The following ATRNL1 variants were observed in gnomAD, a reference collection of about 807,000 sequenced individuals.
ATRNL1 encodes attractin-like protein 1.
ATRNL1 carries 95 observed loss-of-function variants against 182.7 expected under a neutral mutation model. The ratio of observed to expected loss-of-function variants is 0.52; its 90% CI spans 0.44 to 0.62. ATRNL1 has a LOEUF of 0.62. Ranked by LOEUF, ATRNL1 falls within the 20% of genes least tolerant of loss-of-function variation. ATRNL1 has a pLI of 0.00. For missense variants in ATRNL1, 1,471 were observed against 1,679.5 expected, an observed-to-expected ratio of 0.88 and a Z score of 2.17; for synonymous variants, 576 against 568.3, an observed-to-expected ratio of 1.01 and a Z score of -0.19.
At chr10:115,467,310 T>C in intron 23 of ATRNL1, 58 bp downstream of exon 23, 1 of 1,195,954 alleles carries the variant, frequency 8.4e-7, no homozygotes, top group South Asian at 1.4e-5. Flanking sequence ...GAAGTTGTTC[T>C]AACATGATCT....
chr10:115,495,232 A>G (rs1849486344), intron 24 of ATRNL1, among the ~76,000 whole-genome samples: 1 of 151,976 alleles, frequency 6.6e-6, no homozygotes, highest in Non-Finnish European at 1.5e-5. Flanking sequence ...TTAGTAGTAT[A>G]GCTAGTGGTC....
At chr10:115,561,516 A>G (rs1236142323) in intron 26 of ATRNL1, among the ~76,000 whole-genome samples, 1 of 152,218 alleles carries the variant, frequency 6.6e-6, no homozygotes, top group Non-Finnish European at 1.5e-5. Context: ...ATTGGGCACT[A>G]TAAGTAATCT....
At chr10:115,253,409 A>G (rs1554905836) in intron 10 of ATRNL1, among the ~76,000 whole-genome samples, 1 of 152,090 alleles carries the variant, frequency 6.6e-6, no homozygotes, top group East Asian at 1.9e-4. Flanking sequence ...GCAGTTTGTG[A>G]GGTAGCTTGC....
intron 28 of ATRNL1, among the ~76,000 whole-genome samples, chr10:115,928,093 C>A (rs1555120720): frequency 1.3e-5 from 2 of 152,028 alleles, no homozygotes; most frequent in African/African-American, 4.8e-5. Flanking sequence ...CTCTCCAATT[C>A]TCTAGTGCTA....
At chr10:115,831,295 A>G (rs547760843) in intron 27 of ATRNL1, among the ~76,000 whole-genome samples, 1 of 152,034 alleles carries the variant, frequency 6.6e-6, no homozygotes, top group Non-Finnish European at 1.5e-5. Context: ...CCTTCCTTGT[A>G]TGTGTTTCCC....
chr10:115,371,592 A>G (rs1320964317), intron 19 of ATRNL1, among the ~76,000 whole-genome samples: 1 of 152,338 alleles, frequency 6.6e-6, no homozygotes, highest in Non-Finnish European at 1.5e-5. Context: ...AATTTATCCA[A>G]TTTGGAACAA....
intron 26 of ATRNL1, among the ~76,000 whole-genome samples, chr10:115,599,669 A>G (rs1472631552): frequency 1.3e-5 from 2 of 152,160 alleles, no homozygotes; most frequent in Non-Finnish European, 2.9e-5. Context: ...AAACATCAGC[A>G]CTGTGCAAAA....
intron 5 of ATRNL1, among the ~76,000 whole-genome samples, chr10:115,154,560 T>A (rs1554881594): frequency 6.6e-6 from 1 of 152,140 alleles, no homozygotes; most frequent in Non-Finnish European, 1.5e-5. Context: ...GAAAAAGAAT[T>A]GCAACCCCTG....
intron 26 of ATRNL1, among the ~76,000 whole-genome samples, chr10:115,722,575 A>G (rs2134047804): frequency 6.6e-6 from 1 of 152,210 alleles, no homozygotes; most frequent in Admixed American, 6.5e-5. Flanking sequence ...GTTTGTGTTA[A>G]TAACAGAAAG....
chr10:115,754,938 A>G (rs1948546789), intron 27 of ATRNL1, among the ~76,000 whole-genome samples: 1 of 152,108 alleles, frequency 6.6e-6, no homozygotes, highest in Non-Finnish European at 1.5e-5. Context: ...GGAATTGTGA[A>G]TGGGAGTTGA....
chr10:115,847,168 A>G (rs1255318887), intron 27 of ATRNL1, among the ~76,000 whole-genome samples: 1 of 152,098 alleles, frequency 6.6e-6, no homozygotes, highest in African/African-American at 2.4e-5. Context: ...AAAAAAAGTC[A>G]AAGACATAGA....
At chr10:115,671,800 T>C (rs1945705026) in intron 26 of ATRNL1, among the ~76,000 whole-genome samples, 1 of 152,120 alleles carries the variant, frequency 6.6e-6, no homozygotes, top group Non-Finnish European at 1.5e-5. Flanking sequence ...TCTCTTCTTA[T>C]CCCAAGAAAG....
intron 6 of ATRNL1, among the ~76,000 whole-genome samples, chr10:115,165,148 G>T (rs1178784458): frequency 6.6e-6 from 1 of 151,326 alleles, no homozygotes; most frequent in African/African-American, 2.4e-5. Flanking sequence ...TAAAAAAAAG[G>T]AATAAAAATA....
intron 27 of ATRNL1, among the ~76,000 whole-genome samples, chr10:115,783,699 G>C (rs890547558): frequency 3.3e-5 from 5 of 152,108 alleles, no homozygotes; most frequent in African/African-American, 1.2e-4. Flanking sequence ...ATTTAGCTCA[G>C]ATAGTAATGA....
chr10:115,632,960 C>G (rs1246961262), intron 26 of ATRNL1, among the ~76,000 whole-genome samples: 1 of 150,402 alleles, frequency 6.6e-6, no homozygotes, highest in East Asian at 2.0e-4. Context: ...TGGTGCGATC[C>G]TAGCTCACTA....
chr10:115,449,517 A>C (rs1237735333), intron 21 of ATRNL1, among the ~76,000 whole-genome samples: 1 of 152,132 alleles, frequency 6.6e-6, no homozygotes, highest in Non-Finnish European at 1.5e-5. Context: ...TGGACACTTG[A>C]GCTATTTAAC....
At chr10:115,457,812 G>A (rs1847602510) in intron 21 of ATRNL1, among the ~76,000 whole-genome samples, 1 of 151,718 alleles carries the variant, frequency 6.6e-6, no homozygotes, top group Non-Finnish European at 1.5e-5. Flanking sequence ...ACCTACCTCA[G>A]GGAATAGTTC....
At chr10:115,902,544 ATG>A (rs1952386991) in intron 28 of ATRNL1, among the ~76,000 whole-genome samples, 1 of 152,134 alleles carries the variant, frequency 6.6e-6, no homozygotes, top group Admixed American at 6.5e-5. Context: ...TTGCATGGAG[ATG>A]AGTGGAGACC....
intron 9 of ATRNL1, among the ~76,000 whole-genome samples, chr10:115,218,518 A>C (rs2144423336): frequency 6.6e-6 from 1 of 152,202 alleles, no homozygotes; most frequent in Non-Finnish European, 1.5e-5. Context: ...ATTCCTTCCC[A>C]GTTTGGGGTC....
Sources: gnomAD v4.1 joint callset for allele counts (sites outside exome capture counted in the v4.1 genomes callset) on GRCh38, gnomAD v4.1.1 for gene constraint, MANE v1.5 for transcripts, NCBI Gene and HGNC (gene_info 2026-07-23, HGNC 2026-07-21) for gene names.